Variants in CCDC146 observed in about 807,000 individuals in gnomAD.
CCDC146 encodes the protein coiled-coil domain containing 146.
In CCDC146, 92 loss-of-function variants were observed where a neutral mutation model predicts 119.3. The ratio of observed to expected loss-of-function variants is 0.77; its 90% confidence interval spans 0.65 to 0.92. CCDC146 has a LOEUF of 0.92. CCDC146 is among the 40% of genes least tolerant of loss of function. The pLI, the probability that CCDC146 is intolerant of heterozygous loss-of-function variation, is 0.00. For synonymous variants in CCDC146, 372 were observed against 371.8 expected (o/e 1.00, Z -0.01); for missense variants, 1,000 against 1,103.0 (o/e 0.91, Z 1.32).
At chr7:77,246,647 A>G (rs895052694) in intron 4 of CCDC146, among the ~76,000 whole-genome samples, 1 of 152,246 alleles carries the variant, frequency 6.6e-6, no homozygotes, top group African/African-American at 2.4e-5. Context: ...AAAGATATTG[A>G]TATTTATGAA....
intron 4 of CCDC146, among the ~76,000 whole-genome samples, chr7:77,250,586 T>C (rs1793038139): frequency 6.6e-6 from 1 of 152,226 alleles, no homozygotes; most frequent in South Asian, 2.1e-4. Context: ...TTCCTGTAAC[T>C]TCTCTCAGGA....
chr7:77,220,093 C>A (rs949354000), intron 2 of CCDC146, among the ~76,000 whole-genome samples: 1 of 152,268 alleles, frequency 6.6e-6, no homozygotes, highest in Middle Eastern at 3.4e-3. Flanking sequence ...CCCTAGCAAG[C>A]CTGGGGCGCT....
intron 2 of CCDC146, among the ~76,000 whole-genome samples, chr7:77,215,298 T>A (rs575170564): frequency 6.6e-6 from 1 of 151,920 alleles, no homozygotes; most frequent in South Asian, 2.1e-4. Flanking sequence ...ATTTTTTGGG[T>A]AGTGGGAGCC....
chr7:77,257,949 T>C (rs537075839), intron 6 of CCDC146: 1 of 152,350 alleles, frequency 6.6e-6, no homozygotes, highest in African/African-American at 2.4e-5. Context: ...TCTTGTAGCA[T>C]GAGTCTTAGG....
At position 77,286,793 on chromosome 7, in the gene CCDC146, A is replaced by G. The variant is rs1006646984; in HGVS notation, c.2149-5A>G. 1 of 1,611,786 alleles carries G rather than the reference A, an allele frequency of 6.2e-7. No individual in the cohort carries two copies. The highest frequency in any genetic ancestry group is 1.3e-5 in the African/African-American group (1 of 74,666). ...ATTTTAAAGTTAATGTTTTTTTCTT[A>G]ATAGTTTTCACAGTGTACAGACAGA... On this transcript the variant is annotated splice_region_variant and splice_polypyrimidine_tract_variant and intron_variant, in intron 15 of 18. Transcript: ENST00000285871.
Position 77,292,953 on chromosome 7 carries a change from T to C in CCDC146, c.2417T>C (p.Met806Thr), listed in dbSNP as rs1793977964. Residue 806 changes from methionine to threonine, a missense_variant and splice_region_variant, in exon 18 of 19, where the codon ATG becomes ACG. Physicochemically the swap from Met to Thr is moderately conservative, Grantham distance 81. Coordinates refer to ENST00000285871, the MANE Select transcript of CCDC146 (RefSeq NM_020879.3). ...KQDTLLLAKK[M>T]NGYQRRIKNA... is the part of the protein sequence containing the mutation. ...AAGCTTTGGGCTCTTTAATTCTAGA[T>C]GAATGGCTATCAAAGAAGGATCAAA... The C allele has an allele frequency of 6.2e-7, 1 of 1,613,064 alleles. No homozygotes were observed. Among genetic ancestry groups the C allele is most frequent in the African/African-American group, 1.3e-5 (1 of 74,796 alleles).
intron 1 of CCDC146, among the ~76,000 whole-genome samples, chr7:77,156,279 T>C (rs1030819092): frequency 2.0e-5 from 3 of 152,232 alleles, no homozygotes; most frequent in Admixed American, 6.5e-5. Flanking sequence ...GTGGTTTTAA[T>C]TGAAGGTAGT....
At chr7:77,242,061 G>A (rs73373661) in intron 4 of CCDC146, among the ~76,000 whole-genome samples, 161 bp downstream of exon 4, 7,745 of 152,258 alleles carry the variant, frequency 0.051, 489 homozygotes, top group African/African-American at 0.15. Context: ...GGAATTCCCT[G>A]AACAAGAAAG....
intron 2 of CCDC146, among the ~76,000 whole-genome samples, chr7:77,224,228 G>A (rs1005139722): frequency 2.6e-5 from 4 of 152,176 alleles, no homozygotes; most frequent in African/African-American, 9.7e-5. Context: ...GTGTAATCAT[G>A]GCTACATTCC....
At chr7:77,186,259 A>G (rs1214191783) in intron 2 of CCDC146, among the ~76,000 whole-genome samples, 1 of 152,140 alleles carries the variant, frequency 6.6e-6, no homozygotes, top group Non-Finnish European at 1.5e-5. Context: ...CAACAGATGA[A>G]TGAATAAAGA....
chr7:77,294,912 G>A lies in CCDC146; in HGVS notation c.*46G>A. On this transcript the variant is annotated 3_prime_UTR_variant, in exon 19 of 19. Coordinates refer to ENST00000285871, the MANE Select transcript of CCDC146 (RefSeq NM_020879.3). ...CTCTCAAGGAAAAGACTTCAACCAG[G>A]CTTCCTTGTACCCACAGGTGAAAAA... 1 of 1,513,636 alleles carries A rather than the reference G, an allele frequency of 6.6e-7. No homozygotes were observed. Among genetic ancestry groups the A allele is most frequent in the East Asian group, 2.3e-5 (1 of 44,064 alleles). The allele number at this position is 1,513,636 out of a possible 1,614,324, so 93.8% of individuals were successfully genotyped here.
chr7:77,263,560 G>A (rs983293387), intron 9 of CCDC146, among the ~76,000 whole-genome samples: 5 of 152,170 alleles, frequency 3.3e-5, no homozygotes, highest in African/African-American at 1.2e-4. Context: ...AATCGGTTAG[G>A]GTTATGAGTG....
At chr7:77,203,641 C>G (rs1792035012) in intron 2 of CCDC146, among the ~76,000 whole-genome samples, 1 of 152,114 alleles carries the variant, frequency 6.6e-6, no homozygotes, top group African/African-American at 2.4e-5. Flanking sequence ...TGACCTTCTG[C>G]CTCTTCTCTC....
At position 77,279,045 on chromosome 7, in the gene CCDC146, T is replaced by TA; in HGVS notation, c.1642dup (p.Met548AsnfsTer5). The TA allele has an allele frequency of 1.2e-6, 2 of 1,608,796 alleles. No homozygotes were observed. The highest frequency in any genetic ancestry group is 1.3e-5 in the African/African-American group (1 of 74,882). ...AAGTAAATGAAATAAAAGAAAGGCA[T>TA]AAAATGTCATTAAATGAACTTGAAA... On this transcript the variant is annotated frameshift_variant, in exon 13 of 19. Transcript: ENST00000285871. LOFTEE classifies it high-confidence loss of function.
intron 2 of CCDC146, among the ~76,000 whole-genome samples, chr7:77,211,647 A>G (rs2150449222): frequency 6.6e-6 from 1 of 151,562 alleles, no homozygotes; most frequent in African/African-American, 2.4e-5. Flanking sequence ...ACAGAGTCTC[A>G]CTCTGTCACC....
rs530233341 is a variant in CCDC146 at position 77,289,242 on chromosome 7, G to A, written c.2415+1665G>A. Among the ~76,000 whole-genome samples the A allele has an allele frequency of 2.0e-5, 3 of 152,270 alleles. No homozygotes were observed. In the South Asian group the frequency reaches 6.2e-4, roughly 32 times the overall value. Reference sequence around the variant, plus strand: ...TTTGGGGGAAGTCATTTTTCACTGAGGCCTGACTTATCAAAGCTGATGGCA... The same window carrying A: ...TTTGGGGGAAGTCATTTTTCACTGAAGCCTGACTTATCAAAGCTGATGGCA... On this transcript the variant is annotated intron_variant, in intron 17 of 18. Coordinates refer to ENST00000285871, the MANE Select transcript of CCDC146 (RefSeq NM_020879.3).
intron 9 of CCDC146, among the ~76,000 whole-genome samples, chr7:77,265,468 A>G (rs1246873227): frequency 1.3e-5 from 2 of 152,236 alleles, no homozygotes; most frequent in African/African-American, 4.8e-5. Context: ...GGTAACCTAA[A>G]TAGAAGCAAT....
intron 9 of CCDC146, among the ~76,000 whole-genome samples, chr7:77,269,506 C>T (rs552440787): frequency 1.3e-5 from 2 of 152,288 alleles, no homozygotes; most frequent in East Asian, 1.9e-4. Context: ...TAATTGGAAG[C>T]TGTCTGTGAT....
intron 2 of CCDC146, among the ~76,000 whole-genome samples, chr7:77,189,297 A>G (rs2150422582): frequency 6.6e-6 from 1 of 152,182 alleles, no homozygotes; most frequent in South Asian, 2.1e-4. Flanking sequence ...GGTTTTCTAT[A>G]ATGCCTCTAA....
Sources: allele counts gnomAD v4.1 joint callset (sites outside exome capture counted in the v4.1 genomes callset), GRCh38; gene constraint gnomAD v4.1.1; transcripts MANE v1.5; gene names NCBI Gene and HGNC (gene_info 2026-07-23, HGNC 2026-07-21).